The following SUGP1 variants were observed in gnomAD, a reference collection of about 807,000 sequenced individuals.
SUGP1 encodes the protein SURP and G-patch domain containing 1.
SUGP1 carries 34 observed loss-of-function variants against 76.5 expected under a neutral mutation model. That is an observed-to-expected ratio of 0.44 (90% confidence interval 0.34 to 0.59). The LOEUF (loss-of-function observed/expected upper bound fraction) is 0.59, where lower values mean the gene tolerates loss of function less well. Ranked by LOEUF, SUGP1 falls within the 20% of genes least tolerant of loss-of-function variation. SUGP1 has a pLI of 0.01. For missense variants in SUGP1, 752 were observed against 851.7 expected, an observed-to-expected ratio of 0.88 and a Z score of 1.46; for synonymous variants, 326 against 326.2, an observed-to-expected ratio of 1.00 and a Z score of 0.01.
intron 8 of SUGP1, among the ~76,000 whole-genome samples, chr19:19,296,134 T>C (rs547263700): frequency 3.2e-4 from 48 of 151,856 alleles, no homozygotes; most frequent in Middle Eastern, 3.4e-3. Context: ...CTCAGCAACA[T>C]AGTGAGACCC....
rs545410172 is a variant in SUGP1 at position 19,290,945 on chromosome 19, C to T, written c.1243+6044G>A. Among the ~76,000 whole-genome samples, 16 of 152,044 alleles carry T rather than the reference C, an allele frequency of 1.1e-4. No individual in the cohort carries two copies. The South Asian group carries it at 2.7e-3, about 26-fold the overall frequency. On this transcript the variant is annotated intron_variant, in intron 8 of 13. Coordinates refer to ENST00000247001, the MANE Select transcript of SUGP1 (RefSeq NM_172231.4). ...CAGCCTGGCCAACATGGTGAAACCCCGTCTCTACTAAAAATACAAAAATTA... is the reference window on the plus strand; with the variant it reads ...CAGCCTGGCCAACATGGTGAAACCCTGTCTCTACTAAAAATACAAAAATTA...
Position 19,296,862 on chromosome 19 carries a change from G to A in SUGP1, c.1243+127C>T, listed in dbSNP as rs149496967. On this transcript the variant is annotated intron_variant, in intron 8 of 13. Transcript: ENST00000247001. ...CCAAATGTGGTATGTACACACAGTG[G>A]AAGATATGGCCACAGAAGGAATGAA... is the stretch of plus-strand genomic sequence containing the variant. 302 of 822,644 alleles carry A rather than the reference G, an allele frequency of 3.7e-4. 3 individuals are homozygous for A. Among genetic ancestry groups the A allele is most frequent in the Middle Eastern group, 2.6e-3 (7 of 2,662 alleles). The allele number at this position is 822,644 out of a possible 1,614,324, so 51.0% of individuals were successfully genotyped here.
chr19:19,288,502 C>G (rs1199543233), intron 8 of SUGP1, among the ~76,000 whole-genome samples: 3 of 152,028 alleles, frequency 2.0e-5, no homozygotes, highest in Non-Finnish European at 4.4e-5. Flanking sequence ...TTTGGGGAGT[C>G]AAAAGTTACA....
chr19:19,310,594 A>T (rs991713621), intron 2 of SUGP1, among the ~76,000 whole-genome samples: 10 of 152,082 alleles, frequency 6.6e-5, no homozygotes, highest in Non-Finnish European at 1.2e-4. Flanking sequence ...GCTAGACCTT[A>T]GAGTTTTCCA....
chr19:19,317,996 A>T (rs7259434), intron 1 of SUGP1, among the ~76,000 whole-genome samples: 34,900 of 149,884 alleles, frequency 0.23, 4,540 homozygotes, highest in South Asian at 0.35. Flanking sequence ...TTTTTAGTAC[A>T]GTTAGGATTT....
intron 2 of SUGP1, among the ~76,000 whole-genome samples, chr19:19,312,156 G>C (rs1381611461): frequency 1.3e-5 from 2 of 152,078 alleles, no homozygotes; most frequent in African/African-American, 4.8e-5. Context: ...GAGCCCAGGA[G>C]GTCAAGGCGG....
At chr19:19,280,611 T>C in intron 8 of SUGP1, 1 of 304,886 alleles carries the variant, frequency 3.3e-6, no homozygotes, top group Non-Finnish European at 6.2e-6. Flanking sequence ...AGGGCAGGAA[T>C]TTGCAGAGCC....
chr19:19,276,454 C>T lies in SUGP1; in HGVS notation c.*194G>A. The T allele has an allele frequency of 3.1e-6, 2 of 641,292 alleles. No homozygotes were observed. Among genetic ancestry groups the T allele is most frequent in the East Asian group, 5.7e-5 (2 of 34,810 alleles). The allele number at this position is 641,292 out of a possible 1,614,324, so 39.7% of individuals were successfully genotyped here. ...CAGGCCAATAAGGAGAGCCCCGAGACAGCATCTTGCATCCCGCTGCTAACA... is the reference window on the plus strand; with the variant it reads ...CAGGCCAATAAGGAGAGCCCCGAGATAGCATCTTGCATCCCGCTGCTAACA... On this transcript the variant is annotated 3_prime_UTR_variant, in exon 14 of 14. Coordinates refer to ENST00000247001, the MANE Select transcript of SUGP1 (RefSeq NM_172231.4).
chr19:19,305,372 C>T (rs2061308305), intron 4 of SUGP1, among the ~76,000 whole-genome samples: 1 of 152,216 alleles, frequency 6.6e-6, no homozygotes, highest in South Asian at 2.1e-4. Flanking sequence ...TGACCAGTGA[C>T]CGTCCTTTCC....
chr19:19,310,606 G>A (rs1200654580), intron 2 of SUGP1, among the ~76,000 whole-genome samples: 1 of 152,086 alleles, frequency 6.6e-6, no homozygotes, highest in Non-Finnish European at 1.5e-5. Flanking sequence ...AGTTTTCCAA[G>A]GCAGGGCCTA....
At chr19:19,308,807 T>A (rs1458398932) in intron 3 of SUGP1, among the ~76,000 whole-genome samples, 1 of 152,080 alleles carries the variant, frequency 6.6e-6, no homozygotes, top group Non-Finnish European at 1.5e-5. Flanking sequence ...ATCTGACTTA[T>A]CTGTCTCTGC....
chr19:19,298,006 T>C (rs955881772), intron 7 of SUGP1, among the ~76,000 whole-genome samples: 1 of 152,184 alleles, frequency 6.6e-6, no homozygotes, highest in Non-Finnish European at 1.5e-5. Context: ...TTGGGGTCTA[T>C]GCCAAAAGGG....
intron 8 of SUGP1, 172 bp from the exon 9 acceptor site, chr19:19,280,463 G>C: frequency 1.6e-6 from 1 of 610,890 alleles, no homozygotes; most frequent in Non-Finnish European, 2.9e-6. Context: ...GTCCCGCTGT[G>C]TGCTGCCACG....
At chr19:19,308,995 T>C (rs559968436) in intron 3 of SUGP1, among the ~76,000 whole-genome samples, 2 of 152,050 alleles carry the variant, frequency 1.3e-5, no homozygotes, top group South Asian at 2.1e-4. Context: ...GCCTCCCGAG[T>C]AGCTGGGATT....
intron 5 of SUGP1, 91 bp downstream of exon 5, chr19:19,303,633 G>C (rs574306900): frequency 5.3e-6 from 8 of 1,515,524 alleles, no homozygotes; most frequent in Middle Eastern, 1.7e-4. Context: ...AACAGCATCC[G>C]GCCCACACTA....
Position 19,279,393 on chromosome 19 carries a change from GCAGGGCACACTCGCCAGTGAGC to G in SUGP1, c.1351-25_1351-4del. On this transcript the variant is annotated splice_region_variant and splice_polypyrimidine_tract_variant and intron_variant, in intron 9 of 13. Transcript: ENST00000247001. ...ATCATGTCGTACATCTGCTGCATCT[GCAGGGCACACTCGCCAGTGAGC>G]CAGGGCACGGTGCTGTGGCCTGCCG... is the stretch of plus-strand genomic sequence containing the variant. The G allele has an allele frequency of 6.3e-7, 1 of 1,596,366 alleles. No individual in the cohort carries two copies. The highest frequency in any genetic ancestry group is 1.1e-5 in the South Asian group (1 of 89,748).
intron 1 of SUGP1, among the ~76,000 whole-genome samples, chr19:19,319,665 C>T (rs2061423356): frequency 7.0e-6 from 1 of 143,744 alleles, no homozygotes; most frequent in South Asian, 2.2e-4. Flanking sequence ...CCACAGTGAG[C>T]CACTGCACTA....
At chr19:19,305,234 C>A (rs1005341382) in intron 4 of SUGP1, among the ~76,000 whole-genome samples, 13 of 152,180 alleles carry the variant, frequency 8.5e-5, no homozygotes, top group Admixed American at 6.5e-5. Context: ...CCGGCTAGCC[C>A]TTCACACAGT....
At chr19:19,317,700 A>G (rs574672937) in intron 1 of SUGP1, among the ~76,000 whole-genome samples, 7 of 151,728 alleles carry the variant, frequency 4.6e-5, no homozygotes, top group African/African-American at 1.7e-4. Flanking sequence ...AAATTTTTTC[A>G]TAGAGATGAG....
Sources: allele counts gnomAD v4.1 joint callset (sites outside exome capture counted in the v4.1 genomes callset), GRCh38; gene constraint gnomAD v4.1.1; transcripts MANE v1.5; gene names NCBI Gene and HGNC (gene_info 2026-07-23, HGNC 2026-07-21).